PPFIBP1: variants seen among roughly 807,000 people sequenced by gnomAD.
PPFIBP1 encodes liprin-beta-1.
PPFIBP1 carries 112 observed loss-of-function variants against 137.8 expected under a neutral mutation model. The observed-to-expected ratio is 0.81, with a 90% CI of 0.70 to 0.95. The LOEUF (loss-of-function observed/expected upper bound fraction) is 0.95, where lower values mean the gene tolerates loss of function less well. PPFIBP1 is among the 40% of genes least tolerant of loss of function. The probability of loss-of-function intolerance (pLI) is 0.00; values close to 1 mark genes in which losing one functional copy is unlikely to be tolerated. For missense variants in PPFIBP1, 1,083 were observed against 1,196.6 expected, an observed-to-expected ratio of 0.91 and a Z score of 1.40; for synonymous variants, 378 against 417.3, an observed-to-expected ratio of 0.91 and a Z score of 1.15.
At chr12:27,574,220 T>G (rs762059941) in intron 1 of PPFIBP1, among the ~76,000 whole-genome samples, 1 of 152,166 alleles carries the variant, frequency 6.6e-6, no homozygotes, top group Non-Finnish European at 1.5e-5. Flanking sequence ...CCTGACCATG[T>G]GATGGTTGTG....
intron 1 of PPFIBP1, among the ~76,000 whole-genome samples, chr12:27,565,886 T>C (rs966018588): frequency 6.6e-6 from 1 of 152,068 alleles, no homozygotes; most frequent in African/African-American, 2.4e-5. Context: ...ATCCTAACCA[T>C]GTTATTTCTC....
chr12:27,679,837 A>G (rs1280226984), intron 20 of PPFIBP1, 96 bp from the exon 21 acceptor site: 1 of 1,483,390 alleles, frequency 6.7e-7, no homozygotes, highest in East Asian at 2.3e-5. Context: ...CACAAAGAGG[A>G]TTAGTTCCAG....
chr12:27,589,442 GC>G (rs2052203103), intron 2 of PPFIBP1, among the ~76,000 whole-genome samples: 1 of 152,112 alleles, frequency 6.6e-6, no homozygotes, highest in Non-Finnish European at 1.5e-5. Flanking sequence ...ACGGCACCTG[GC>G]CCATAATGTA....
chr12:27,689,439 T>TA (rs201041850), intron 27 of PPFIBP1, among the ~76,000 whole-genome samples: 5,968 of 145,484 alleles, frequency 0.041, 351 homozygotes, highest in African/African-American at 0.14. Context: ...ATTGTAAGAA[T>TA]AAAAAAAAAA....
chr12:27,646,295 A>G (rs1466315011), intron 5 of PPFIBP1, 147 bp downstream of exon 5: 5 of 687,310 alleles, frequency 7.3e-6, no homozygotes, highest in Non-Finnish European at 1.3e-5. Context: ...GGGAGTGGTG[A>G]GGATTGGGGC....
intron 7 of PPFIBP1, among the ~76,000 whole-genome samples, chr12:27,652,609 T>C (rs1012404683): frequency 1.3e-5 from 2 of 152,204 alleles, no homozygotes; most frequent in Admixed American, 6.5e-5. Flanking sequence ...ATTTAAAGTA[T>C]TGCCATGAAA....
At chr12:27,594,201 G>A (rs371279866) in intron 2 of PPFIBP1, among the ~76,000 whole-genome samples, 44 of 116,608 alleles carry the variant, frequency 3.8e-4, no homozygotes, top group African/African-American at 1.5e-3. Context: ...TTTTTGAGAT[G>A]GAGTCTCACT....
At chr12:27,635,291 C>T in intron 4 of PPFIBP1, 176 bp downstream of exon 4, 1 of 648,988 alleles carries the variant, frequency 1.5e-6, no homozygotes, top group Non-Finnish European at 2.6e-6. Context: ...TTAAAAAGTG[C>T]TATTAGTGTA....
In PPFIBP1 at chr12:27,644,150, G is replaced by T. The variant is rs147001225; in HGVS notation, c.271-1912G>T. On this transcript the variant is annotated intron_variant, in intron 4 of 29. Coordinates refer to ENST00000228425, the MANE Select transcript of PPFIBP1 (RefSeq NM_003622.4). Reference sequence around the variant, plus strand: ...GGAGTGCAGTGGCGCAAACATGGCTGACTGTAGCCTCCACCTCCTGGGCTC... The same window carrying T: ...GGAGTGCAGTGGCGCAAACATGGCTTACTGTAGCCTCCACCTCCTGGGCTC... 9.2e-3 allele frequency among the ~76,000 whole-genome samples: 1,402 copies of T among 151,760 alleles called. 24 individuals carry two copies. The highest frequency in any genetic ancestry group is 0.03 in the African/African-American group (1,253 of 41,332).
At chr12:27,678,856 C>CAAAAAAAAAAAAAAAAAAAAAAA (rs60834907) in intron 19 of PPFIBP1, among the ~76,000 whole-genome samples, 6 of 98,958 alleles carry the variant, frequency 6.1e-5, no homozygotes, top group Non-Finnish European at 9.5e-5. Flanking sequence ...GACTCTGTCT[C>CAAAAAAAAAAAAAAAAAAAAAAA]AAAAAAAAAA....
intron 9 of PPFIBP1, among the ~76,000 whole-genome samples, chr12:27,657,974 T>A (rs2059315489): frequency 6.6e-6 from 1 of 151,790 alleles, no homozygotes; most frequent in Non-Finnish European, 1.5e-5. Context: ...TTTGAAATTT[T>A]TAAATTTCAA....
intron 1 of PPFIBP1, among the ~76,000 whole-genome samples, chr12:27,540,010 G>T (rs190085135): frequency 4.8e-4 from 72 of 151,402 alleles, no homozygotes; most frequent in South Asian, 1.3e-3. Context: ...TTCCATCTGT[G>T]GGTGTTTCAT....
At chr12:27,576,148 T>A (rs2050540326) in intron 1 of PPFIBP1, among the ~76,000 whole-genome samples, 1 of 152,100 alleles carries the variant, frequency 6.6e-6, no homozygotes, top group African/African-American at 2.4e-5. Flanking sequence ...CTCTGCCCCA[T>A]CCCCCACCGC....
At position 27,533,903 on chromosome 12, in the gene PPFIBP1, A is replaced by G. The variant is rs139186551; in HGVS notation, c.-124+9538A>G. 9.2e-5 allele frequency among the ~76,000 whole-genome samples: 14 copies of G among 152,316 alleles called. 1 individual carries two copies. Among genetic ancestry groups the G allele is most frequent in the African/African-American group, 2.6e-4 (11 of 41,566 alleles). ...GGAAGAAGCACAACGTAAGTGAACTAATCATGCCATCCAGTGCAACAGACT... is the reference window on the plus strand; with the variant it reads ...GGAAGAAGCACAACGTAAGTGAACTGATCATGCCATCCAGTGCAACAGACT... On this transcript the variant is annotated intron_variant, in intron 1 of 29. Transcript: ENST00000228425.
chr12:27,682,180 G>A (rs936519498), intron 22 of PPFIBP1, among the ~76,000 whole-genome samples: 2 of 152,158 alleles, frequency 1.3e-5, no homozygotes, highest in Admixed American at 1.3e-4. Flanking sequence ...ACTAGGGAAT[G>A]CCTAACACAC....
intron 2 of PPFIBP1, among the ~76,000 whole-genome samples, chr12:27,581,818 T>C (rs1283410232): frequency 6.6e-6 from 1 of 152,200 alleles, no homozygotes; most frequent in Non-Finnish European, 1.5e-5. Flanking sequence ...ATGATCTTGG[T>C]TTCATCATGT....
chr12:27,553,151 G>A (rs1946950010), intron 1 of PPFIBP1, among the ~76,000 whole-genome samples: 2 of 152,302 alleles, frequency 1.3e-5, no homozygotes, highest in South Asian at 4.1e-4. Flanking sequence ...CTCATTGCCA[G>A]ATGACCCCAT....
rs1398972046 is a variant in PPFIBP1, at chr12:27,679,553, T to C, written c.1680T>C (p.Asp560=). 1 of 1,613,942 alleles carries C rather than the reference T, an allele frequency of 6.2e-7. No homozygotes were observed. The highest frequency in any genetic ancestry group is 1.7e-5 in the Admixed American group (1 of 60,016). ...DLAGASSRPK[D]SQRNSPFQIP... ...CTGGTGCTTCTTCTCGGCCAAAAGA[T>C]TCACAGAGGAACAGTCCCTTCCAGA... The change falls in exon 20 of 30, where the codon GAT becomes GAC. Residue 560 remains aspartate, a synonymous_variant. Transcript: ENST00000228425.
intron 25 of PPFIBP1, 139 bp downstream of exon 25, chr12:27,687,646 TC>T: frequency 2.0e-6 from 2 of 1,005,886 alleles, no homozygotes; most frequent in South Asian, 3.7e-5. Flanking sequence ...TTAGGCTTTT[TC>T]TGTATTCCTT....
Sources: gnomAD v4.1 joint callset for allele counts (sites outside exome capture counted in the v4.1 genomes callset) on GRCh38, gnomAD v4.1.1 for gene constraint, MANE v1.5 for transcripts, NCBI Gene and HGNC (gene_info 2026-07-23, HGNC 2026-07-21) for gene names.